UBR3: variants seen among roughly 807,000 people sequenced by gnomAD.
UBR3 encodes the protein ubiquitin protein ligase E3 component n-recognin 3, also known as E3 ubiquitin-protein ligase UBR3.
In UBR3, 85 loss-of-function variants were observed where a neutral mutation model predicts 243.2. The observed-to-expected ratio is 0.35, with a 90% confidence interval of 0.29 to 0.42. The LOEUF (loss-of-function observed/expected upper bound fraction) is 0.42. Among genes scored for constraint, UBR3 ranks in the 10% least tolerant of loss-of-function variants. The probability of loss-of-function intolerance (pLI) is 1.00; values close to 1 mark genes in which losing one functional copy is unlikely to be tolerated. For synonymous variants in UBR3, 748 were observed against 799.8 expected, an observed-to-expected ratio of 0.94 and a Z score of 1.09; for missense variants, 1,686 against 2,300.8, an observed-to-expected ratio of 0.73 and a Z score of 5.47.
chr2:169,918,609 A>G (rs1258242017), intron 11 of UBR3, among the ~76,000 whole-genome samples: 1 of 151,930 alleles, frequency 6.6e-6, no homozygotes, highest in Non-Finnish European at 1.5e-5. Context: ...GGTGTGAGCC[A>G]TTGTGCCTGG....
At position 170,082,502 on chromosome 2, in the gene UBR3, T is replaced by C. The variant is rs750829498; in HGVS notation, c.*659T>C. ...TTGAAATAGCTGTAAAATAAGTAGA[T>C]AGCTGCTGTTAATATAATACAGTAC... On this transcript the variant is annotated 3_prime_UTR_variant, in exon 39 of 39. Transcript: ENST00000272793. 1 of 146,782 alleles carries C rather than the reference T, an allele frequency of 6.8e-6. No homozygotes were observed. The highest frequency in any genetic ancestry group is 1.5e-5 in the Non-Finnish European group (1 of 66,470). 9.1% of individuals were successfully genotyped at this position (146,782 alleles called of 1,614,324 possible).
chr2:170,017,698 A>T (rs1002415627), intron 30 of UBR3, among the ~76,000 whole-genome samples: 1 of 152,154 alleles, frequency 6.6e-6, no homozygotes, highest in Non-Finnish European at 1.5e-5. Flanking sequence ...CTACATCTTC[A>T]AACATTTTTA....
chr2:169,950,081 A>C lies in UBR3; in HGVS notation c.3545+16A>C. 1 of 1,529,666 alleles carries C rather than the reference A, an allele frequency of 6.5e-7. No homozygotes were observed. The highest frequency in any genetic ancestry group is 8.7e-7 in the Non-Finnish European group (1 of 1,143,110). 94.8% of individuals were successfully genotyped at this position (1,529,666 alleles called of 1,614,324 possible). On this transcript the variant is annotated intron_variant, in intron 23 of 38. Coordinates refer to ENST00000272793, the MANE Select transcript of UBR3 (RefSeq NM_172070.4). ...AAGAAGAAAGGTAATTTTTATTTTT[A>C]ATGTTTTAAACGTGTGTATAGTTGA...
chr2:169,862,198 T>G (rs1215194717), intron 1 of UBR3, among the ~76,000 whole-genome samples: 2 of 152,166 alleles, frequency 1.3e-5, no homozygotes, highest in Non-Finnish European at 2.9e-5. Context: ...TAATTTAAAA[T>G]TTTTAGTTTT....
chr2:169,935,425 G>A (rs9784030), intron 19 of UBR3, among the ~76,000 whole-genome samples: 17,316 of 152,090 alleles, frequency 0.11, 1,215 homozygotes, highest in Admixed American at 0.19. Flanking sequence ...TGTCTCAGCC[G>A]CCCATAGTGC....
intron 5 of UBR3, among the ~76,000 whole-genome samples, chr2:169,889,495 C>T (rs1030160158): frequency 2.0e-5 from 3 of 152,136 alleles, no homozygotes; most frequent in Non-Finnish European, 4.4e-5. Context: ...AATTTCTGAA[C>T]CCTCTGGGCC....
intron 29 of UBR3, chr2:170,014,087 A>G (rs1270892332): frequency 3.3e-6 from 1 of 306,406 alleles, no homozygotes; most frequent in Non-Finnish European, 6.9e-6. Flanking sequence ...CTGGAACGTT[A>G]TCGGTGTTAA....
chr2:169,932,834 C>T, intron 18 of UBR3, 78 bp from the exon 19 acceptor site: 1 of 1,213,272 alleles, frequency 8.2e-7, no homozygotes, highest in Non-Finnish European at 1.2e-6. Flanking sequence ...GTAAAATATA[C>T]TTAACAAATG....
At chr2:169,851,735 G>A (rs1330983902) in intron 1 of UBR3, among the ~76,000 whole-genome samples, 1 of 151,790 alleles carries the variant, frequency 6.6e-6, no homozygotes, top group Non-Finnish European at 1.5e-5. Flanking sequence ...TGACTCAGGA[G>A]GCTGAGGCAG....
intron 18 of UBR3, 32 bp downstream of exon 18, chr2:169,928,900 A>G (rs1178759475): frequency 7.4e-7 from 1 of 1,345,644 alleles, no homozygotes; most frequent in Non-Finnish European, 9.7e-7. Context: ...GACTCTTTCA[A>G]ATATCAGTTC....
In UBR3 at chr2:170,083,784, T is replaced by G. The variant is rs2091940790; in HGVS notation, c.*1941T>G. 6.6e-6 allele frequency: 1 copy of G among 152,584 alleles called. No individual in the cohort carries two copies. Among genetic ancestry groups the G allele is most frequent in the Non-Finnish European group, 1.5e-5 (1 of 67,988 alleles). The allele number at this position is 152,584 out of a possible 1,614,324, so 9.5% of individuals were successfully genotyped here. A position where few individuals can be genotyped will look rare whatever the true frequency, so the allele number is the denominator to read the frequency against. The stretch of plus-strand genomic sequence containing the variant: ...AGTGTTTATTTTGATATTGGTGAAT[T>G]AGTCACCAGTAAATTTTAAAAAAGC... On this transcript the variant is annotated 3_prime_UTR_variant, in exon 39 of 39. Transcript: ENST00000272793.
At chr2:169,974,990 G>A (rs547637160) in intron 24 of UBR3, among the ~76,000 whole-genome samples, 2 of 152,276 alleles carry the variant, frequency 1.3e-5, no homozygotes, top group East Asian at 3.9e-4. Context: ...GAACCAGCCT[G>A]CACAACATGG....
intron 1 of UBR3, among the ~76,000 whole-genome samples, chr2:169,844,197 G>C (rs963037937): frequency 1.3e-5 from 2 of 151,950 alleles, no homozygotes; most frequent in Non-Finnish European, 2.9e-5. Context: ...AGTAGAGATA[G>C]GGTTTCACCA....
chr2:169,882,563 A>G (rs760585757), intron 5 of UBR3, among the ~76,000 whole-genome samples: 7 of 151,118 alleles, frequency 4.6e-5, no homozygotes, highest in Non-Finnish European at 1.0e-4. Flanking sequence ...CAACATTGTG[A>G]AACCCCATCT....
At chr2:169,900,565 C>T (rs887970289) in intron 8 of UBR3, among the ~76,000 whole-genome samples, 6 of 152,046 alleles carry the variant, frequency 3.9e-5, no homozygotes, top group Admixed American at 2.0e-4. Context: ...GCAGTCTTTG[C>T]GGCAAAATGG....
chr2:169,950,174 T>G, intron 23 of UBR3, 109 bp downstream of exon 23: 1 of 997,244 alleles, frequency 1.0e-6, no homozygotes, highest in Non-Finnish European at 1.4e-6. Flanking sequence ...GGAACAGTCA[T>G]AGCTGATTAG....
At chr2:170,067,840 G>A (rs2091611344) in intron 35 of UBR3, among the ~76,000 whole-genome samples, 1 of 149,234 alleles carries the variant, frequency 6.7e-6, no homozygotes, top group Non-Finnish European at 1.5e-5. Flanking sequence ...TGTGATCTCA[G>A]CTGACTGCAA....
intron 5 of UBR3, among the ~76,000 whole-genome samples, chr2:169,882,749 A>G (rs142454515): frequency 1.8e-3 from 274 of 152,122 alleles, no homozygotes; most frequent in African/African-American, 6.3e-3. Flanking sequence ...AAAAAAAGAA[A>G]AAAAAAAAGA....
At chr2:170,008,733 C>T (rs978798680) in intron 28 of UBR3, 71 bp from the exon 29 acceptor site, 1 of 750,080 alleles carries the variant, frequency 1.3e-6, no homozygotes, top group Middle Eastern at 3.2e-4. Context: ...ATATAATAAA[C>T]ATTCTAGTTT....
Sources: allele counts gnomAD v4.1 joint callset (sites outside exome capture counted in the v4.1 genomes callset), GRCh38; gene constraint gnomAD v4.1.1; transcripts MANE v1.5; gene names NCBI Gene and HGNC (gene_info 2026-07-23, HGNC 2026-07-21).